Variants in NEK10 observed in about 807,000 individuals in gnomAD.
The protein encoded by NEK10 is serine/threonine-protein kinase Nek10.
In NEK10, 122 loss-of-function variants were observed where a neutral mutation model predicts 159.8. That is an observed-to-expected ratio of 0.76 (90% CI 0.66 to 0.89). The LOEUF is 0.89. Ranked by LOEUF, NEK10 falls within the 40% of genes least tolerant of loss-of-function variation. The probability of loss-of-function intolerance (pLI) is 0.00; values close to 1 mark genes in which losing one functional copy is unlikely to be tolerated. For synonymous variants in NEK10, 466 were observed against 457.1 expected (o/e 1.02, Z -0.25); for missense variants, 1,342 against 1,323.1 (o/e 1.01, Z -0.22).
chr3:27,118,366 G>A (rs150053801), intron 33 of NEK10, among the ~76,000 whole-genome samples: 155 of 152,362 alleles, frequency 1.0e-3, no homozygotes, highest in African/African-American at 3.5e-3. Flanking sequence ...ACCCAAAGCC[G>A]TGTTGACCAG....
At chr3:27,335,390 C>T (rs893811389) in intron 5 of NEK10, among the ~76,000 whole-genome samples, 1 of 150,296 alleles carries the variant, frequency 6.7e-6, no homozygotes, top group Non-Finnish European at 1.5e-5. Flanking sequence ...GAGAGATAGA[C>T]TCTAATACAA....
chr3:27,285,090 G>T, intron 20 of NEK10, 129 bp from the exon 21 acceptor site: 2 of 693,586 alleles, frequency 2.9e-6, no homozygotes, highest in Non-Finnish European at 4.6e-6. Context: ...TAGGGATGAT[G>T]TGCTAAAATA....
intron 31 of NEK10, among the ~76,000 whole-genome samples, chr3:27,140,252 G>T (rs1559504452): frequency 6.6e-6 from 1 of 152,150 alleles, no homozygotes; most frequent in Non-Finnish European, 1.5e-5. Flanking sequence ...AAGAGTTATA[G>T]CTTCTCACAC....
chr3:27,209,579 G>C (rs1438488679), intron 23 of NEK10, among the ~76,000 whole-genome samples: 1 of 152,180 alleles, frequency 6.6e-6, no homozygotes. Context: ...GTTAAATTCA[G>C]GCCTAGTTTT....
intron 22 of NEK10, among the ~76,000 whole-genome samples, chr3:27,272,951 C>T (rs1250957436): frequency 6.6e-6 from 1 of 152,190 alleles, no homozygotes; most frequent in Non-Finnish European, 1.5e-5. Flanking sequence ...TCCTAACCTT[C>T]CCCCATATAT....
chr3:27,220,729 A>C (rs1952011250), intron 23 of NEK10, among the ~76,000 whole-genome samples: 1 of 152,204 alleles, frequency 6.6e-6, no homozygotes, highest in Non-Finnish European at 1.5e-5. Context: ...ATAATTTTGA[A>C]AAATAAGAAC....
At chr3:27,331,576 G>T (rs1332677726) in intron 5 of NEK10, among the ~76,000 whole-genome samples, 1 of 152,166 alleles carries the variant, frequency 6.6e-6, no homozygotes, top group Non-Finnish European at 1.5e-5. Flanking sequence ...CTCCCTCTGC[G>T]ATGGAGTCTG....
At chr3:27,157,779 T>C (rs1200994296) in intron 30 of NEK10, among the ~76,000 whole-genome samples, 1 of 152,128 alleles carries the variant, frequency 6.6e-6, no homozygotes, top group South Asian at 2.1e-4. Flanking sequence ...ACTGAATTGA[T>C]TGAGCAAACT....
At chr3:27,341,230 T>C (rs2047181651) in intron 5 of NEK10, among the ~76,000 whole-genome samples, 1 of 151,970 alleles carries the variant, frequency 6.6e-6, no homozygotes, top group East Asian at 1.9e-4. Context: ...GATAAACAGG[T>C]AGGTTAACGG....
intron 32 of NEK10, among the ~76,000 whole-genome samples, chr3:27,130,168 C>G (rs956218680): frequency 6.6e-6 from 1 of 152,134 alleles, no homozygotes; most frequent in Non-Finnish European, 1.5e-5. Context: ...TCCCAAAGAC[C>G]ACCATGGGCT....
chr3:27,127,846 C>T (rs1489993485), intron 32 of NEK10, among the ~76,000 whole-genome samples: 1 of 151,724 alleles, frequency 6.6e-6, no homozygotes, highest in Non-Finnish European at 1.5e-5. Context: ...ACAGGCAATC[C>T]CTCTCCGCTT....
At chr3:27,214,812 T>C in intron 23 of NEK10, 2 of 1,054,660 alleles carry the variant, frequency 1.9e-6, no homozygotes, top group Non-Finnish European at 3.0e-6. Flanking sequence ...CTCTTTGACA[T>C]ATTTTCCGTG....
rs569099640 is a variant in NEK10 at position 27,121,010 on chromosome 3, A to T, written c.3082-1142T>A. On this transcript the variant is annotated intron_variant, in intron 32 of 35. Transcript: ENST00000691995. ...ACATCATTGTTCAATCACTTGAGAA[A>T]ACTATTTGCAATAGACACTACATTT... 1.8e-4 allele frequency among the ~76,000 whole-genome samples: 28 copies of T among 152,324 alleles called. No homozygotes were observed. The South Asian group carries it at 5.6e-3, about 30-fold the overall frequency.
At chr3:27,123,073 A>G (rs1045494020) in intron 32 of NEK10, among the ~76,000 whole-genome samples, 5 of 152,306 alleles carry the variant, frequency 3.3e-5, no homozygotes, top group Admixed American at 2.0e-4. Flanking sequence ...AGATATACAC[A>G]TTGTTTTAGC....
chr3:27,200,017 T>G (rs1431110795), intron 25 of NEK10, among the ~76,000 whole-genome samples: 1 of 152,004 alleles, frequency 6.6e-6, no homozygotes, highest in Admixed American at 6.6e-5. Flanking sequence ...GCACTAGGCT[T>G]AATAGCTGGG....
At chr3:27,159,028 C>T (rs961628524) in intron 30 of NEK10, among the ~76,000 whole-genome samples, 1 of 152,078 alleles carries the variant, frequency 6.6e-6, no homozygotes, top group African/African-American at 2.4e-5. Context: ...ACTTTACAGA[C>T]CACAGAATCA....
intron 23 of NEK10, among the ~76,000 whole-genome samples, chr3:27,237,706 T>G (rs1291142225): frequency 6.6e-6 from 1 of 151,958 alleles, no homozygotes; most frequent in Non-Finnish European, 1.5e-5. Flanking sequence ...ATATATTGGA[T>G]AGAGTGTACA....
At chr3:27,315,578 C>CATAAAA (rs1379962221) in intron 6 of NEK10, among the ~76,000 whole-genome samples, 1 of 151,314 alleles carries the variant, frequency 6.6e-6, no homozygotes, top group Non-Finnish European at 1.5e-5. Flanking sequence ...GTTTTGTACA[C>CATAAAA]ATAAAAATTA....
At chr3:27,244,332 T>C (rs2149271218) in intron 23 of NEK10, among the ~76,000 whole-genome samples, 1 of 152,350 alleles carries the variant, frequency 6.6e-6, no homozygotes, top group East Asian at 1.9e-4. Flanking sequence ...GATGTGGCCC[T>C]ATTCTACTAG....
Sources: allele counts gnomAD v4.1 joint callset (sites outside exome capture counted in the v4.1 genomes callset), GRCh38; gene constraint gnomAD v4.1.1; transcripts MANE v1.5; gene names NCBI Gene and HGNC (gene_info 2026-07-23, HGNC 2026-07-21).